The following ST6GALNAC5 variants were observed in gnomAD, a reference collection of about 807,000 sequenced individuals.
ST6GALNAC5 encodes the protein alpha-N-acetylgalactosaminide alpha-2,6-sialyltransferase 5.
ST6GALNAC5 carries 27 observed loss-of-function variants against 33.6 expected under a neutral mutation model. The ratio of observed to expected loss-of-function variants is 0.80; its 90% CI spans 0.59 to 1.11. The LOEUF (loss-of-function observed/expected upper bound fraction) is 1.11, where lower values mean the gene tolerates loss of function less well. ST6GALNAC5 is among the 50% of genes least tolerant of loss of function. The pLI is 0.00. For missense variants in ST6GALNAC5, 428 were observed against 454.0 expected (o/e 0.94, Z 0.52); for synonymous variants, 194 against 171.2 (o/e 1.13, Z -1.04).
Position 77,050,251 on chromosome 1 carries a change from C to G in ST6GALNAC5, c.672-7C>G, listed in dbSNP as rs756299581. 4.3e-6 allele frequency: 7 copies of G among 1,612,718 alleles called. No homozygotes were observed. Among genetic ancestry groups the G allele is most frequent in the Non-Finnish European group, 5.1e-6 (6 of 1,178,876 alleles). On this transcript the variant is annotated splice_polypyrimidine_tract_variant and splice_region_variant and intron_variant, in intron 3 of 4. Coordinates refer to ENST00000477717, the MANE Select transcript of ST6GALNAC5 (RefSeq NM_030965.3). ...CAGCTTGCAGACTTAATTATTGTTCCTTCCAGGAAGATATCCAACACTTGG... is the reference window on the plus strand; with the variant it reads ...CAGCTTGCAGACTTAATTATTGTTCGTTCCAGGAAGATATCCAACACTTGG...
chr1:77,010,293 G>C (rs1285281551), intron 2 of ST6GALNAC5, among the ~76,000 whole-genome samples: 1 of 152,068 alleles, frequency 6.6e-6, no homozygotes, highest in Non-Finnish European at 1.5e-5. Flanking sequence ...TAAGGTGGTC[G>C]AGACCAGCCT....
chr1:76,973,789 A>G (rs193227236), intron 2 of ST6GALNAC5, among the ~76,000 whole-genome samples: 12 of 152,232 alleles, frequency 7.9e-5, no homozygotes, highest in Admixed American at 5.9e-4. Flanking sequence ...ACCAGACTCA[A>G]TTGTCCAAAT....
chr1:76,876,059 G>A (rs899794926), intron 2 of ST6GALNAC5, among the ~76,000 whole-genome samples: 4 of 152,224 alleles, frequency 2.6e-5, no homozygotes, highest in African/African-American at 4.8e-5. Flanking sequence ...GTGAGTCCAC[G>A]GAAGGTAGTC....
intron 2 of ST6GALNAC5, among the ~76,000 whole-genome samples, chr1:76,934,474 A>T (rs141234719): frequency 8.0e-4 from 122 of 152,174 alleles, no homozygotes; most frequent in African/African-American, 2.9e-3. Flanking sequence ...GACATATGGT[A>T]ATTACTATAA....
chr1:77,061,412 T>G (rs1255934780), intron 4 of ST6GALNAC5, among the ~76,000 whole-genome samples: 3 of 152,194 alleles, frequency 2.0e-5, no homozygotes, highest in African/African-American at 7.2e-5. Flanking sequence ...AAAAGCTATT[T>G]GTGTATTGAT....
intron 2 of ST6GALNAC5, among the ~76,000 whole-genome samples, chr1:77,031,072 C>G (rs1346982897): frequency 1.3e-5 from 2 of 152,150 alleles, no homozygotes; most frequent in Non-Finnish European, 2.9e-5. Flanking sequence ...CAGAGTAAAC[C>G]ATTCTGTGGC....
intron 2 of ST6GALNAC5, among the ~76,000 whole-genome samples, chr1:76,931,846 T>C (rs967831210): frequency 3.3e-5 from 5 of 151,726 alleles, no homozygotes; most frequent in African/African-American, 1.2e-4. Flanking sequence ...AAGGACAGAG[T>C]CCCTGAAGTA....
At chr1:76,988,956 A>G (rs1191874266) in intron 2 of ST6GALNAC5, among the ~76,000 whole-genome samples, 3 of 152,162 alleles carry the variant, frequency 2.0e-5, no homozygotes, top group African/African-American at 7.2e-5. Flanking sequence ...GTTTGCATAT[A>G]TATTCTTATC....
intron 2 of ST6GALNAC5, among the ~76,000 whole-genome samples, chr1:76,898,966 G>C (rs1322863159): frequency 6.6e-6 from 1 of 152,120 alleles, no homozygotes; most frequent in African/African-American, 2.4e-5. Flanking sequence ...GATTTGGGAT[G>C]AGTTGCATTG....
At chr1:76,937,420 A>T (rs78053406) in intron 2 of ST6GALNAC5, among the ~76,000 whole-genome samples, 1 of 152,108 alleles carries the variant, frequency 6.6e-6, no homozygotes, top group East Asian at 1.9e-4. Flanking sequence ...AATTATCAGC[A>T]CCCTTAAAAA....
chr1:77,024,480 A>G (rs182103214), intron 2 of ST6GALNAC5, among the ~76,000 whole-genome samples: 428 of 152,310 alleles, frequency 2.8e-3, no homozygotes, highest in Non-Finnish European at 4.9e-3. Context: ...AAGGCCAAGG[A>G]CAGGAGACAG....
chr1:76,977,333 T>C (rs2100375109), intron 2 of ST6GALNAC5, among the ~76,000 whole-genome samples: 1 of 152,302 alleles, frequency 6.6e-6, no homozygotes, highest in Non-Finnish European at 1.5e-5. Context: ...TACAAAATCT[T>C]CTCTTTTTGC....
rs1647174842 is a variant in ST6GALNAC5 at position 76,934,300 on chromosome 1, T to C, written c.261+65558T>C. Among the ~76,000 whole-genome samples, 4 of 152,116 alleles carry C rather than the reference T, an allele frequency of 2.6e-5. No homozygotes were observed. The South Asian group carries it at 8.3e-4, about 32-fold the overall frequency. On this transcript the variant is annotated intron_variant, in intron 2 of 4. Transcript: ENST00000477717. Reference sequence around the variant, plus strand: ...GGGCTTCTCTTGTTCTCAATGCAAATGGAGTTACAATTGTATTTCTCTTAG... The same window carrying C: ...GGGCTTCTCTTGTTCTCAATGCAAACGGAGTTACAATTGTATTTCTCTTAG...
intron 2 of ST6GALNAC5, among the ~76,000 whole-genome samples, chr1:76,871,567 G>A (rs1185727762): frequency 6.6e-6 from 1 of 152,012 alleles, no homozygotes; most frequent in Non-Finnish European, 1.5e-5. Flanking sequence ...CAGCCTGTCT[G>A]CAATGATGGT....
At chr1:76,888,596 T>C (rs1485678952) in intron 2 of ST6GALNAC5, among the ~76,000 whole-genome samples, 1 of 152,162 alleles carries the variant, frequency 6.6e-6, no homozygotes, top group African/African-American at 2.4e-5. Flanking sequence ...TTGCATTTTA[T>C]GCATTCTGTG....
chr1:76,920,838 A>G (rs1647027259), intron 2 of ST6GALNAC5, among the ~76,000 whole-genome samples: 1 of 152,192 alleles, frequency 6.6e-6, no homozygotes, highest in Non-Finnish European at 1.5e-5. Context: ...CAAATAATAG[A>G]GTAATGCCCA....
Position 76,930,894 on chromosome 1 carries a change from T to A in ST6GALNAC5, c.261+62152T>A, listed in dbSNP as rs139827954. On this transcript the variant is annotated intron_variant, in intron 2 of 4. Coordinates refer to ENST00000477717, the MANE Select transcript of ST6GALNAC5 (RefSeq NM_030965.3). ...ATATTGGTTGTGGCAGAGACACTCT[T>A]AAAGTGGCCTCCAATTCTTGTCTCC... 3.2e-3 allele frequency among the ~76,000 whole-genome samples: 494 copies of A among 152,254 alleles called. 1 individual carries two copies. The highest frequency in any genetic ancestry group is 0.011 in the African/African-American group (457 of 41,564).
At chr1:76,972,200 C>T (rs1042251975) in intron 2 of ST6GALNAC5, among the ~76,000 whole-genome samples, 1 of 152,124 alleles carries the variant, frequency 6.6e-6, no homozygotes, top group African/African-American at 2.4e-5. Context: ...TAGCAGCAGG[C>T]AAGAAGAGAG....
At chr1:76,894,048 G>A (rs537918005) in intron 2 of ST6GALNAC5, among the ~76,000 whole-genome samples, 2 of 152,282 alleles carry the variant, frequency 1.3e-5, no homozygotes, top group East Asian at 3.9e-4. Context: ...TCAGTCCCAG[G>A]TGGTAGGCTT....
Sources: gnomAD v4.1 joint callset for allele counts (sites outside exome capture counted in the v4.1 genomes callset) on GRCh38, gnomAD v4.1.1 for gene constraint, MANE v1.5 for transcripts, NCBI Gene and HGNC (gene_info 2026-07-23, HGNC 2026-07-21) for gene names.